The following ZFP69 variants were observed in gnomAD, a reference collection of about 807,000 sequenced individuals.
ZFP69 encodes the protein ZFP69 zinc finger protein, also known as zinc finger protein 69 homolog.
Under a neutral mutation model 48.9 loss-of-function variants are expected in ZFP69, and 35 were observed. The observed-to-expected ratio is 0.72, with a 90% CI of 0.55 to 0.95. ZFP69 has a LOEUF of 0.95. ZFP69 is among the 40% of genes least tolerant of loss of function. ZFP69 has a pLI of 0.00. For synonymous variants in ZFP69, 193 were observed against 216.8 expected (o/e 0.89, Z 0.96); for missense variants, 557 against 638.4 (o/e 0.87, Z 1.37).
At position 40,496,307 on chromosome 1, in the gene ZFP69, A is replaced by T; in HGVS notation, c.*248A>T. Reference sequence around the variant, plus strand: ...AAAAATTCATAACAGTTTTTTTCTGATTTCATGGTGGATTAATAAATTATT... The same window carrying T: ...AAAAATTCATAACAGTTTTTTTCTGTTTTCATGGTGGATTAATAAATTATT... On this transcript the variant is annotated 3_prime_UTR_variant, in exon 6 of 6. Coordinates refer to ENST00000372706, the MANE Select transcript of ZFP69 (RefSeq NM_001320179.2). 1 of 334,474 alleles carries T rather than the reference A, an allele frequency of 3.0e-6. No individual in the cohort carries two copies. The highest frequency in any genetic ancestry group is 5.4e-6 in the Non-Finnish European group (1 of 185,010). 20.7% of individuals were successfully genotyped at this position (334,474 alleles called of 1,614,324 possible).
rs1645628151 is a variant in ZFP69 at position 40,495,865 on chromosome 1, G to A, written c.1387G>A (p.Gly463Arg). 3.1e-6 allele frequency: 5 copies of A among 1,614,080 alleles called. No homozygotes were observed. Among genetic ancestry groups the A allele is most frequent in the Non-Finnish European group, 4.2e-6 (5 of 1,180,040 alleles). ...TAGCAACCATAAAACTGTTCATACA[G>A]GAGTGAAAGCATATGAATGCAACCG... ...HLSNHKTVHT[G>R]VKAYECNRCG... is the part of the protein sequence containing the mutation. Residue 463 changes from glycine to arginine, a missense_variant, in exon 6 of 6, where the codon GGA (glycine) becomes AGA (arginine). Transcript: ENST00000372706.
intron 3 of ZFP69, among the ~76,000 whole-genome samples, chr1:40,484,163 CTTTG>C (rs1645471721): frequency 2.0e-5 from 3 of 152,066 alleles, no homozygotes; most frequent in Admixed American, 6.6e-5. Context: ...CCTATCTAGC[CTTTG>C]TTTATTTGTT....
In ZFP69 at chr1:40,495,578, A is replaced by G; in HGVS notation, c.1100A>G (p.Asn367Ser). The G allele has an allele frequency of 6.2e-7, 1 of 1,614,234 alleles. No individual in the cohort carries two copies. The highest frequency in any genetic ancestry group is 1.6e-4 in the Middle Eastern group (1 of 6,062). Residue 367 changes from asparagine (N) to serine (S), a missense_variant, in exon 6 of 6, where the codon AAC becomes AGC. Coordinates refer to ENST00000372706, the MANE Select transcript of ZFP69 (RefSeq NM_001320179.2). ...AAATGTCAGAAAGCTTTCAGCCAGA[A>G]CATTAGCTTGGTTCAACATTTGAGG... ...CDKCQKAFSQ[N>S]ISLVQHLRTH... is the part of the protein sequence containing the mutation.
intron 5 of ZFP69, chr1:40,491,120 C>T (rs1645563596): frequency 6.6e-6 from 1 of 152,152 alleles, no homozygotes; most frequent in Admixed American, 6.6e-5. Context: ...CATTGTTTTG[C>T]ATGTTCTCTT....
At position 40,479,167 on chromosome 1, in the gene ZFP69, G is replaced by A; in HGVS notation, c.-195G>A. 3 of 615,520 alleles carry A rather than the reference G, an allele frequency of 4.9e-6. No individual in the cohort carries two copies. Among genetic ancestry groups the A allele is most frequent in the Non-Finnish European group, 8.4e-6 (3 of 355,594 alleles). 38.1% of individuals were successfully genotyped at this position (615,520 alleles called of 1,614,324 possible). On this transcript the variant is annotated 5_prime_UTR_variant, in exon 2 of 6. Coordinates refer to ENST00000372706, the MANE Select transcript of ZFP69 (RefSeq NM_001320179.2). Reference sequence around the variant, plus strand: ...CCAAAGAAAGTGCTTGATTTAAAGGGGAGTTTGTTTTCCAGAATTGTTAAA... The same window carrying A: ...CCAAAGAAAGTGCTTGATTTAAAGGAGAGTTTGTTTTCCAGAATTGTTAAA...
At chr1:40,489,673 C>G (rs760260339) in intron 5 of ZFP69, 49 bp downstream of exon 5, 3 of 1,327,036 alleles carry the variant, frequency 2.3e-6, no homozygotes, top group Admixed American at 2.2e-5. Context: ...AAAGGAATAC[C>G]TGAAACTTCA....
At chr1:40,479,526 C>A (rs373751785) in intron 2 of ZFP69, 38 bp downstream of exon 2, 2 of 1,577,420 alleles carry the variant, frequency 1.3e-6, no homozygotes, top group African/African-American at 1.4e-5. Context: ...AAGGGGATCT[C>A]ATTTGTGTGT....
Position 40,477,312 on chromosome 1 carries a change from G to T in ZFP69, c.-909G>T, listed in dbSNP as rs1223185509. The T allele has an allele frequency of 6.6e-6, 1 of 152,136 alleles. No individual in the cohort carries two copies. Among genetic ancestry groups the T allele is most frequent in the Non-Finnish European group, 1.5e-5 (1 of 68,006 alleles). 9.4% of individuals were successfully genotyped at this position (152,136 alleles called of 1,614,324 possible). Reference sequence around the variant, plus strand: ...TCACAACCCGCCGGAAGACGCGCGGGTTGTGGCAGCTGCAGCGGGACCGCG... The same window carrying T: ...TCACAACCCGCCGGAAGACGCGCGGTTTGTGGCAGCTGCAGCGGGACCGCG... On this transcript the variant is annotated 5_prime_UTR_variant, in exon 1 of 6. Coordinates refer to ENST00000372706, the MANE Select transcript of ZFP69 (RefSeq NM_001320179.2). This position sits in a 1 kb window ranked among gnomAD's most constrained non-coding sequence, Gnocchi z 4.0.
At position 40,495,387 on chromosome 1, in the gene ZFP69, A is replaced by C. The variant is rs1645620778; in HGVS notation, c.909A>C (p.Glu303Asp). The change falls in exon 6 of 6, where the codon GAA becomes GAC. Residue 303 changes from glutamate to aspartate, a missense_variant. Physicochemically the swap from Glu to Asp is conservative, Grantham distance 45. Transcript: ENST00000372706. ...HTGEKPFRCK[E>D]CGRAFSQSAS... is the part of the protein sequence containing the mutation. ...GTGAGAAACCTTTCAGATGTAAGGA[A>C]TGTGGAAGGGCCTTTAGTCAAAGTG... is the stretch of plus-strand genomic sequence containing the variant. 6.2e-7 allele frequency: 1 copy of C among 1,614,100 alleles called. No homozygotes were observed. The highest frequency in any genetic ancestry group is 1.7e-5 in the Admixed American group (1 of 60,012).
At chr1:40,489,320 T>C in intron 4 of ZFP69, 106 bp downstream of exon 4, 3 of 1,443,526 alleles carry the variant, frequency 2.1e-6, no homozygotes, top group Non-Finnish European at 2.8e-6. Flanking sequence ...GGGTTCTGTA[T>C]TAAAGATGTC....
Position 40,495,048 on chromosome 1 carries a change from A to G in ZFP69, c.570A>G (p.Lys190=). Residue 190 remains lysine, a synonymous_variant, in exon 6 of 6, where the codon AAA becomes AAG. Transcript: ENST00000372706. The stretch of plus-strand genomic sequence containing the variant: ...ATATAATTTATTCCACGTTGAGAAA[A>G]GTCTCCACATATGATGATGTCTTAG... The part of the protein sequence containing the change: ...RDDIIYSTLR[K]VSTYDDVLER... The G allele has an allele frequency of 2.5e-6, 4 of 1,614,084 alleles. No individual in the cohort carries two copies. Among genetic ancestry groups the G allele is most frequent in the Non-Finnish European group, 3.4e-6 (4 of 1,180,008 alleles).
At chr1:40,494,896 TA>T in intron 5 of ZFP69, 24 bp from the exon 6 acceptor site, 2 of 1,585,714 alleles carry the variant, frequency 1.3e-6, no homozygotes, top group Non-Finnish European at 1.7e-6. Context: ...AATTGGTTTT[TA>T]AAGCTTTTTT....
rs1645616661 is a variant in ZFP69 at position 40,495,159 on chromosome 1, G to A, written c.681G>A (p.Gly227=). Residue 227 remains glycine, a synonymous_variant, in exon 6 of 6, where the codon GGG becomes GGA. Coordinates refer to ENST00000372706, the MANE Select transcript of ZFP69 (RefSeq NM_001320179.2). ...GAGTCCAAGAAACTAACAAATTTGG[G>A]GAAAATATCATTGTGCATTCAAATG... ...KKRVQETNKF[G]ENIIVHSNVI... The A allele has an allele frequency of 6.2e-7, 1 of 1,613,818 alleles. No homozygotes were observed. The highest frequency in any genetic ancestry group is 1.7e-5 in the Admixed American group (1 of 59,962).
rs947132859 is a variant in ZFP69 at position 40,477,702 on chromosome 1, C to G, written c.-519C>G. 1.3e-5 allele frequency: 2 copies of G among 152,100 alleles called. No homozygotes were observed. Among genetic ancestry groups the G allele is most frequent in the African/African-American group, 4.8e-5 (2 of 41,428 alleles). The allele number at this position is 152,100 out of a possible 1,614,324, so 9.4% of individuals were successfully genotyped here. A position where few individuals can be genotyped will look rare whatever the true frequency, so the allele number is the denominator to read the frequency against. ...CTCCGGGCTTCCGAAGGAAGCCGAC[C>G]TCAACGCTGGACGCTTCTTGGAGAA... On this transcript the variant is annotated 5_prime_UTR_variant, in exon 1 of 6. Transcript: ENST00000372706. The surrounding 1 kb of genome is among the most constrained non-coding windows in gnomAD (Gnocchi z 4.0).
chr1:40,483,226 A>ATTTTT (rs56706952), intron 3 of ZFP69, among the ~76,000 whole-genome samples: 2 of 116,978 alleles, frequency 1.7e-5, no homozygotes, highest in African/African-American at 3.7e-5. Flanking sequence ...ACCTTTTTTA[A>ATTTTT]TTTTTTTTTT....
At chr1:40,479,570 AGAAG>A in intron 2 of ZFP69, 82 bp downstream of exon 2, 3 of 1,449,700 alleles carry the variant, frequency 2.1e-6, no homozygotes, top group Non-Finnish European at 2.7e-6. Context: ...TGAAGTGGAG[AGAAG>A]GAGGGAGAGA....
intron 3 of ZFP69, among the ~76,000 whole-genome samples, chr1:40,483,022 G>A (rs1261959618): frequency 6.6e-6 from 1 of 152,020 alleles, no homozygotes; most frequent in African/African-American, 2.4e-5. Flanking sequence ...AACAACTACA[G>A]AACATATATT....
rs1407033174 is a variant in ZFP69, at chr1:40,477,651, C to T, written c.-570C>T. The T allele has an allele frequency of 6.6e-6, 1 of 152,196 alleles. No individual in the cohort carries two copies. The highest frequency in any genetic ancestry group is 1.5e-5 in the Non-Finnish European group (1 of 68,022). The allele number at this position is 152,196 out of a possible 1,614,324, so 9.4% of individuals were successfully genotyped here. A position where few individuals can be genotyped will look rare whatever the true frequency, so the allele number is the denominator to read the frequency against. On this transcript the variant is annotated 5_prime_UTR_variant, in exon 1 of 6. Coordinates refer to ENST00000372706, the MANE Select transcript of ZFP69 (RefSeq NM_001320179.2). The surrounding 1 kb of genome is among the most constrained non-coding windows in gnomAD (Gnocchi z 4.0). ...CCTTGATGGGAATGTGGAGCAGACCCTCGTCCACTCCGGAGGCCGAGGGTC... is the reference window on the plus strand; with the variant it reads ...CCTTGATGGGAATGTGGAGCAGACCTTCGTCCACTCCGGAGGCCGAGGGTC...
chr1:40,484,725 G>C (rs113701724), intron 3 of ZFP69, among the ~76,000 whole-genome samples: 2 of 149,256 alleles, frequency 1.3e-5, no homozygotes, highest in Non-Finnish European at 3.0e-5. Flanking sequence ...CTACAGGCGC[G>C]TGCCACCACA....
Sources: allele counts gnomAD v4.1 joint callset (sites outside exome capture counted in the v4.1 genomes callset), GRCh38; gene constraint gnomAD v4.1.1; non-coding constraint Gnocchi (gnomAD v3.1); transcripts MANE v1.5; gene names NCBI Gene and HGNC (gene_info 2026-07-23, HGNC 2026-07-21).